Variants in PTPRG observed in about 807,000 individuals in gnomAD.
PTPRG encodes the protein protein tyrosine phosphatase receptor type G.
PTPRG carries 102 observed loss-of-function variants against 165.3 expected under a neutral mutation model. The ratio of observed to expected loss-of-function variants is 0.62; its 90% CI spans 0.53 to 0.73. The LOEUF (loss-of-function observed/expected upper bound fraction) is 0.73, where lower values mean the gene tolerates loss of function less well. Among genes scored for constraint, PTPRG ranks in the 30% least tolerant of loss-of-function variants. The pLI is 0.00. For missense variants in PTPRG, 1,866 were observed against 1,861.4 expected, an observed-to-expected ratio of 1.00 and a Z score of -0.05; for synonymous variants, 675 against 669.5, an observed-to-expected ratio of 1.01 and a Z score of -0.13.
chr3:61,994,992 T>C lies in PTPRG; in HGVS notation c.370+5188T>C, dbSNP rs550743407. Reference sequence around the variant, plus strand: ...CAAGGTCAGTGGAGACAAGGATGTGTGAGCCTTACTGAGAGTCAGCACCAG... The same window carrying C: ...CAAGGTCAGTGGAGACAAGGATGTGCGAGCCTTACTGAGAGTCAGCACCAG... On this transcript the variant is annotated intron_variant, in intron 3 of 29. Coordinates refer to ENST00000474889, the MANE Select transcript of PTPRG (RefSeq NM_002841.4). 2.9e-4 allele frequency among the ~76,000 whole-genome samples: 44 copies of C among 152,126 alleles called. 1 individual carries two copies. The East Asian group carries it at 7.9e-3, about 27-fold the overall frequency.
Position 62,196,378 on chromosome 3 carries a change from G to A in PTPRG, c.1327+1208G>A, listed in dbSNP as rs1699964334. Among the ~76,000 whole-genome samples, 3 of 151,870 alleles carry A rather than the reference G, an allele frequency of 2.0e-5. No individual in the cohort carries two copies. In the South Asian group the frequency reaches 6.3e-4, roughly 32 times the overall value. ...AGATCATGCCACTGCACTCCAGGCT[G>A]GGCAACAAGAGTAAAACTCCGTCTC... On this transcript the variant is annotated intron_variant, in intron 10 of 29. Transcript: ENST00000474889.
chr3:61,670,355 C>T (rs774145768), intron 1 of PTPRG, among the ~76,000 whole-genome samples: 10 of 152,128 alleles, frequency 6.6e-5, no homozygotes, highest in Non-Finnish European at 1.3e-4. Context: ...GTAACTAGTT[C>T]CCAGGGAGTC....
chr3:61,942,900 C>T (rs1160592232), intron 2 of PTPRG, among the ~76,000 whole-genome samples: 1 of 152,204 alleles, frequency 6.6e-6, no homozygotes, highest in Non-Finnish European at 1.5e-5. Flanking sequence ...AAATAGACAT[C>T]TCAGTCTTTC....
chr3:61,712,235 G>A (rs544844760), intron 1 of PTPRG, among the ~76,000 whole-genome samples: 11 of 152,028 alleles, frequency 7.2e-5, no homozygotes, highest in Admixed American at 3.3e-4. Context: ...AACTGCCATC[G>A]ATTATTTTTA....
At chr3:62,063,357 AAAATGCCTCTCTC>A (rs1227758403) in intron 4 of PTPRG, among the ~76,000 whole-genome samples, 2 of 152,222 alleles carry the variant, frequency 1.3e-5, no homozygotes, top group Non-Finnish European at 2.9e-5. Context: ...TCCAGTTCAG[AAAATGCCTCTCTC>A]TAATCATTCC....
intron 2 of PTPRG, among the ~76,000 whole-genome samples, chr3:61,891,396 C>G (rs1469886215): frequency 1.3e-5 from 2 of 152,202 alleles, no homozygotes; most frequent in African/African-American, 4.8e-5. Context: ...GACTCTATCC[C>G]TTGAAAGACC....
In PTPRG at chr3:61,928,417, C is replaced by G. The variant is rs79896617; in HGVS notation, c.191-61208C>G. On this transcript the variant is annotated intron_variant, in intron 2 of 29. Coordinates refer to ENST00000474889, the MANE Select transcript of PTPRG (RefSeq NM_002841.4). The stretch of plus-strand genomic sequence containing the variant: ...CAAACCAGACTTATTTTGCCTGAGT[C>G]CATTTTTTTAATCCCCTACTTTCTA... Among the ~76,000 whole-genome samples the G allele has an allele frequency of 7.0e-3, 1,064 of 152,240 alleles. 10 individuals carry two copies. The highest frequency in any genetic ancestry group is 0.024 in the African/African-American group (1,003 of 41,550).
intron 2 of PTPRG, among the ~76,000 whole-genome samples, chr3:61,858,699 A>T (rs1457161479): frequency 6.6e-6 from 1 of 152,326 alleles, no homozygotes; most frequent in African/African-American, 2.4e-5. Context: ...AAAACAGGTC[A>T]TGAGATATCA....
intron 1 of PTPRG, among the ~76,000 whole-genome samples, chr3:61,567,740 T>C (rs1259576525): frequency 1.3e-5 from 2 of 150,926 alleles, no homozygotes; most frequent in African/African-American, 4.9e-5. Context: ...CTCAGCACTT[T>C]GGGAGACCCA....
intron 2 of PTPRG, among the ~76,000 whole-genome samples, chr3:61,950,785 G>T (rs1016510279): frequency 3.3e-5 from 5 of 152,102 alleles, no homozygotes; most frequent in Non-Finnish European, 4.4e-5. Context: ...AGTGTTTTTT[G>T]ATCTTTATGT....
intron 5 of PTPRG, 122 bp from the exon 6 acceptor site, chr3:62,132,480 T>A (rs1226783807): frequency 2.7e-5 from 21 of 777,698 alleles, no homozygotes; most frequent in Non-Finnish European, 4.6e-5. Context: ...ATGGTGTATG[T>A]GAGACCTAAG....
intron 5 of PTPRG, among the ~76,000 whole-genome samples, chr3:62,113,353 CCTGCCA>C (rs1039805075): frequency 3.5e-4 from 54 of 152,266 alleles, no homozygotes; most frequent in African/African-American, 1.3e-3. Flanking sequence ...CACTCTAGTT[CCTGCCA>C]CTCACCCTAC....
At chr3:61,939,937 T>G (rs911071979) in intron 2 of PTPRG, among the ~76,000 whole-genome samples, 4 of 48,344 alleles carry the variant, frequency 8.3e-5, no homozygotes, top group East Asian at 3.3e-4. Context: ...TCTTTTTTTT[T>G]TTTTTTTTTT....
intron 13 of PTPRG, among the ~76,000 whole-genome samples, chr3:62,226,123 G>A (rs1012794568): frequency 2.0e-5 from 3 of 152,198 alleles, no homozygotes; most frequent in Admixed American, 6.5e-5. Context: ...AAGTCGCAGC[G>A]TTAATTTTTG....
intron 1 of PTPRG, among the ~76,000 whole-genome samples, chr3:61,608,645 A>C (rs1440933223): frequency 6.6e-6 from 1 of 152,222 alleles, no homozygotes; most frequent in Non-Finnish European, 1.5e-5. Flanking sequence ...TGGCTCTGGA[A>C]GCCTGCCTTT....
At chr3:61,836,043 C>T (rs2036447956) in intron 2 of PTPRG, among the ~76,000 whole-genome samples, 1 of 109,328 alleles carries the variant, frequency 9.1e-6, no homozygotes, top group Non-Finnish European at 1.8e-5. Context: ...TCCGTCTCAC[C>T]CCCCGCGCCC....
chr3:62,089,998 G>A (rs1488200496), intron 5 of PTPRG, among the ~76,000 whole-genome samples: 2 of 152,180 alleles, frequency 1.3e-5, no homozygotes, highest in South Asian at 2.1e-4. Flanking sequence ...CCCATTTTAT[G>A]TGGGTATATT....
chr3:61,565,334 A>G (rs1699884253), intron 1 of PTPRG, among the ~76,000 whole-genome samples: 1 of 152,214 alleles, frequency 6.6e-6, no homozygotes. Context: ...GGCATATTAC[A>G]TTGCTATATA....
chr3:61,831,745 T>G (rs2036301082), intron 2 of PTPRG, among the ~76,000 whole-genome samples: 1 of 152,226 alleles, frequency 6.6e-6, no homozygotes, highest in Non-Finnish European at 1.5e-5. Context: ...TTTTTGAGTT[T>G]TCTGTCTTAT....
Sources: allele counts gnomAD v4.1 joint callset (sites outside exome capture counted in the v4.1 genomes callset), GRCh38; gene constraint gnomAD v4.1.1; transcripts MANE v1.5; gene names NCBI Gene and HGNC (gene_info 2026-07-23, HGNC 2026-07-21).